Variants in TTC28 observed in about 807,000 individuals in gnomAD.
TTC28 encodes the protein tetratricopeptide repeat protein 28.
Under a neutral mutation model 198.0 loss-of-function variants are expected in TTC28, and 61 were observed. The observed-to-expected ratio is 0.31, with a 90% confidence interval of 0.25 to 0.38. The LOEUF is 0.38. Ranked by LOEUF, TTC28 falls within the 10% of genes least tolerant of loss-of-function variation. The pLI is 1.00. For missense variants in TTC28, 2,678 were observed against 3,164.0 expected (o/e 0.85, Z 3.69); for synonymous variants, 1,171 against 1,297.8 (o/e 0.90, Z 2.10).
At chr22:28,133,779 T>TGG (rs1304393257) in intron 6 of TTC28, among the ~76,000 whole-genome samples, 4 of 152,182 alleles carry the variant, frequency 2.6e-5, no homozygotes, top group Admixed American at 2.6e-4. Context: ...ACTCCACCTC[T>TGG]GGGGGCAGGG....
At chr22:28,322,052 G>A (rs1340094956) in intron 2 of TTC28, among the ~76,000 whole-genome samples, 2 of 152,052 alleles carry the variant, frequency 1.3e-5, no homozygotes, top group African/African-American at 4.8e-5. Context: ...GGCTGGTCTC[G>A]AACTTGTGAC....
chr22:28,499,051 G>A (rs1377804599), intron 2 of TTC28, among the ~76,000 whole-genome samples: 1 of 152,052 alleles, frequency 6.6e-6, no homozygotes, highest in Admixed American at 6.6e-5. Context: ...GTAGGCACAC[G>A]CCTGTGGTCC....
chr22:28,136,301 C>T (rs1943198230), intron 6 of TTC28, among the ~76,000 whole-genome samples: 1 of 152,098 alleles, frequency 6.6e-6, no homozygotes, highest in African/African-American at 2.4e-5. Flanking sequence ...TGCACCACCA[C>T]ACCCAGCTAA....
chr22:28,556,400 T>A (rs1323033451), intron 2 of TTC28, among the ~76,000 whole-genome samples: 1 of 152,142 alleles, frequency 6.6e-6, no homozygotes, highest in Non-Finnish European at 1.5e-5. Flanking sequence ...AAAAGATCAT[T>A]TTTCTAAATA....
At chr22:28,598,950 A>T (rs1263888114) in intron 2 of TTC28, among the ~76,000 whole-genome samples, 2 of 152,234 alleles carry the variant, frequency 1.3e-5, no homozygotes, top group African/African-American at 4.8e-5. Context: ...ACTGTGAGTG[A>T]AATGCTTGTT....
intron 2 of TTC28, among the ~76,000 whole-genome samples, chr22:28,569,664 T>C (rs962792536): frequency 2.0e-4 from 30 of 152,238 alleles, no homozygotes; most frequent in African/African-American, 6.7e-4. Flanking sequence ...GATTTCATGA[T>C]GAAGACTCCA....
chr22:28,648,151 G>A (rs546754026), intron 1 of TTC28, among the ~76,000 whole-genome samples: 2 of 149,902 alleles, frequency 1.3e-5, no homozygotes, highest in South Asian at 4.2e-4. Context: ...GTGAACCCAG[G>A]AGGCGGAGCT....
In TTC28 at chr22:28,183,876, A is replaced by G. The variant is rs557199828; in HGVS notation, c.934-20277T>C. The stretch of plus-strand genomic sequence containing the variant: ...GGTATTTTAATACATTTTAAAACAT[A>G]GTACTATGCTCTTTAAAATCCCAGC... On this transcript the variant is annotated intron_variant, in intron 5 of 22. Coordinates refer to ENST00000397906, the MANE Select transcript of TTC28 (RefSeq NM_001145418.2). Among the ~76,000 whole-genome samples the G allele has an allele frequency of 1.6e-4, 24 of 152,366 alleles. No individual in the cohort carries two copies. The South Asian group carries it at 4.6e-3, about 29-fold the overall frequency.
Position 28,163,146 on chromosome 22 carries a change from T to C in TTC28, c.1387A>G (p.Ile463Val), listed in dbSNP as rs952473126. 1 of 1,551,744 alleles carries C rather than the reference T, an allele frequency of 6.4e-7. No homozygotes were observed. The highest frequency in any genetic ancestry group is 8.7e-7 in the Non-Finnish European group (1 of 1,147,002). ...AKQYHEQQLG[I>V]AEDLKDRAAE... The stretch of plus-strand genomic sequence containing the variant: ...GCCCGGTCCTTGAGATCCTCAGCAA[T>C]GCCCAGCTGCTGCTCATGGTATTGT... The change falls in exon 6 of 23, where the codon ATT (isoleucine) becomes GTT (valine). Residue 463 changes from isoleucine to valine, a missense_variant. Physicochemically the swap from Ile to Val is conservative, Grantham distance 29. Transcript: ENST00000397906.
At chr22:28,633,328 T>C (rs1412202166) in intron 1 of TTC28, among the ~76,000 whole-genome samples, 5 of 151,526 alleles carry the variant, frequency 3.3e-5, no homozygotes, top group African/African-American at 4.8e-5. Flanking sequence ...AATTTTTTTT[T>C]CAAAAAGAAT....
At chr22:28,669,186 A>T (rs1030003328) in intron 1 of TTC28, among the ~76,000 whole-genome samples, 2 of 133,712 alleles carry the variant, frequency 1.5e-5, no homozygotes, top group African/African-American at 5.7e-5. Context: ...TAGCATTGGG[A>T]GATATACCTA....
chr22:28,155,438 G>A (rs546801712), intron 6 of TTC28, among the ~76,000 whole-genome samples: 1 of 152,282 alleles, frequency 6.6e-6, no homozygotes, highest in South Asian at 2.1e-4. Flanking sequence ...CAATTCAGCA[G>A]AGGTAAGTAT....
At chr22:28,140,302 C>G (rs1173455837) in intron 6 of TTC28, among the ~76,000 whole-genome samples, 4 of 152,220 alleles carry the variant, frequency 2.6e-5, no homozygotes, top group Admixed American at 6.5e-5. Flanking sequence ...GTAAAACAAA[C>G]TCAGCCTCAA....
chr22:28,204,475 C>G (rs1926230173), intron 5 of TTC28, among the ~76,000 whole-genome samples: 1 of 152,128 alleles, frequency 6.6e-6, no homozygotes, highest in Admixed American at 6.5e-5. Flanking sequence ...GTGAAACTGT[C>G]CACATTTTCC....
intron 6 of TTC28, among the ~76,000 whole-genome samples, chr22:28,110,684 C>T (rs1485770234): frequency 1.3e-5 from 2 of 151,952 alleles, no homozygotes; most frequent in East Asian, 1.9e-4. Flanking sequence ...ACCTATAACC[C>T]GGCACTTTGG....
chr22:28,520,066 C>T (rs777142648), intron 2 of TTC28, among the ~76,000 whole-genome samples: 19 of 152,018 alleles, frequency 1.2e-4, no homozygotes, highest in Non-Finnish European at 2.2e-4. Flanking sequence ...TTGATTTACA[C>T]AAAAGCCAGT....
At chr22:28,365,692 TG>T (rs2046235874) in intron 2 of TTC28, among the ~76,000 whole-genome samples, 1 of 152,262 alleles carries the variant, frequency 6.6e-6, no homozygotes, top group Non-Finnish European at 1.5e-5. Context: ...ATCTGTGTGC[TG>T]ATATTAACAC....
chr22:28,616,362 G>C (rs1348476365), intron 2 of TTC28, among the ~76,000 whole-genome samples: 1 of 152,118 alleles, frequency 6.6e-6, no homozygotes, highest in Non-Finnish European at 1.5e-5. Context: ...AGAAGGATTT[G>C]AACTAGCTTG....
intron 2 of TTC28, among the ~76,000 whole-genome samples, chr22:28,428,269 T>G (rs1479051163): frequency 6.6e-6 from 1 of 152,164 alleles, no homozygotes; most frequent in Admixed American, 6.5e-5. Flanking sequence ...TATAATACCA[T>G]GAAAATATAC....
Sources: allele counts gnomAD v4.1 joint callset (sites outside exome capture counted in the v4.1 genomes callset), GRCh38; gene constraint gnomAD v4.1.1; transcripts MANE v1.5; gene names NCBI Gene and HGNC (gene_info 2026-07-23, HGNC 2026-07-21).